Variants in MAPT observed in about 807,000 individuals in gnomAD.
MAPT encodes the protein microtubule associated protein tau, also known as microtubule-associated protein tau.
In MAPT, 34 loss-of-function variants were observed where a neutral mutation model predicts 67.9. That is an observed-to-expected ratio of 0.50 (90% CI 0.38 to 0.67). The LOEUF (loss-of-function observed/expected upper bound fraction) is 0.67. Among genes scored for constraint, MAPT ranks in the 30% least tolerant of loss-of-function variants. The pLI is 0.00. For missense variants in MAPT, 881 were observed against 1,115.2 expected (o/e 0.79, Z 2.99); for synonymous variants, 456 against 464.5 (o/e 0.98, Z 0.23).
intron 9 of MAPT, chr17:45,999,118 T>G: frequency 1.6e-6 from 2 of 1,266,910 alleles, no homozygotes; most frequent in Non-Finnish European, 2.1e-6. Context: ...CTGTGTCCCA[T>G]GGTGGGGAAT....
chr17:45,999,210 T>C (rs2074776507), intron 9 of MAPT: 2 of 1,540,510 alleles, frequency 1.3e-6, no homozygotes, highest in Admixed American at 2.0e-5. Context: ...TGGATTCCCC[T>C]CTCTCTTCTT....
Position 45,992,268 on chromosome 17 carries a change from G to A in MAPT, c.1732+682G>A, listed in dbSNP as rs575238669. Among the ~76,000 whole-genome samples, 1,141 of 152,228 alleles carry A rather than the reference G, an allele frequency of 7.5e-3. 2 individuals are homozygous for A. The highest frequency in any genetic ancestry group is 0.014 in the Middle Eastern group (4 of 294). On this transcript the variant is annotated intron_variant, in intron 8 of 12. Transcript: ENST00000262410. ...ACATGACTACTAAGTGGCAGCTCTC[G>A]GAGCCTCTCTGGCCCCAAGTCCAGG...
At chr17:45,941,864 A>C (rs771331166) in intron 1 of MAPT, among the ~76,000 whole-genome samples, 26 of 151,704 alleles carry the variant, frequency 1.7e-4, no homozygotes, top group Non-Finnish European at 3.1e-4. Flanking sequence ...CTTTTTCTGA[A>C]ATCATGTTCT....
chr17:45,983,791 G>A lies in MAPT; in HGVS notation c.1212G>A (p.Gly404=). ...EEHLGRAAFP[G]APGEGPEARG... ...ATTTGGGAAGGGCTGCATTTCCAGG[G>A]GCCCCTGGAGAGGGGCCAGAGGCCC... The change falls in exon 5 of 13, where the codon GGG becomes GGA. Residue 404 remains glycine, a synonymous_variant. Coordinates refer to ENST00000262410, the MANE Select transcript of MAPT (RefSeq NM_001377265.1). The A allele has an allele frequency of 1.9e-6, 3 of 1,613,774 alleles. No homozygotes were observed. Among genetic ancestry groups the A allele is most frequent in the Non-Finnish European group, 2.5e-6 (3 of 1,179,930 alleles).
intron 9 of MAPT, among the ~76,000 whole-genome samples, chr17:45,999,932 C>T (rs2074855334): frequency 6.6e-6 from 1 of 152,172 alleles, no homozygotes; most frequent in Non-Finnish European, 1.5e-5. Context: ...AGAAAAATGT[C>T]ATACAGGGTC....
At chr17:45,999,082 G>A (rs971510370) in intron 9 of MAPT, among the ~76,000 whole-genome samples, 13 of 152,146 alleles carry the variant, frequency 8.5e-5, no homozygotes, top group Non-Finnish European at 1.6e-4. Flanking sequence ...ACCTCTGGGG[G>A]CCCCTGGGTT....
At chr17:45,911,420 A>G (rs2064780824) in intron 1 of MAPT, among the ~76,000 whole-genome samples, 1 of 152,224 alleles carries the variant, frequency 6.6e-6, no homozygotes, top group South Asian at 2.1e-4. Context: ...TCTTGAGCCC[A>G]GGAGTTTGAA....
chr17:45,952,406 G>A (rs912428092), intron 1 of MAPT, among the ~76,000 whole-genome samples: 2 of 152,092 alleles, frequency 1.3e-5, no homozygotes, highest in South Asian at 2.1e-4. Flanking sequence ...TCACTACCCC[G>A]CCCCAGCCTC....
At chr17:45,964,605 G>A (rs1050460958) in intron 2 of MAPT, among the ~76,000 whole-genome samples, 5 of 151,754 alleles carry the variant, frequency 3.3e-5, no homozygotes, top group African/African-American at 1.2e-4. Context: ...GATCACTTGA[G>A]CCCAGGAGGC....
chr17:45,899,677 C>T (rs974055228), intron 1 of MAPT, among the ~76,000 whole-genome samples: 2 of 152,180 alleles, frequency 1.3e-5, no homozygotes, highest in African/African-American at 4.8e-5. Context: ...AAACCACTGT[C>T]TCACAAATGA....
chr17:46,012,832 C>A (rs2075910227), intron 10 of MAPT, among the ~76,000 whole-genome samples: 1 of 151,688 alleles, frequency 6.6e-6, no homozygotes, highest in African/African-American at 2.4e-5. Context: ...CCAGCACGTC[C>A]TCCCACCTCC....
chr17:45,983,117 G>T lies in MAPT; in HGVS notation c.538G>T (p.Asp180Tyr). The T allele has an allele frequency of 6.4e-7, 1 of 1,566,054 alleles. No homozygotes were observed. Among genetic ancestry groups the T allele is most frequent in the Non-Finnish European group, 8.7e-7 (1 of 1,154,064 alleles). ...CCTGGAGTGGGGACAAAAAGGCGGGGACTGGGCCGAGAAGGGTCCGGCCTT... is the reference window on the plus strand; with the variant it reads ...CCTGGAGTGGGGACAAAAAGGCGGGTACTGGGCCGAGAAGGGTCCGGCCTT... ...PSLEWGQKGG[D>Y]WAEKGPAFPK... is the part of the protein sequence containing the mutation. Residue 180 changes from aspartate to tyrosine, a missense_variant, in exon 5 of 13, where the codon GAC becomes TAC. Transcript: ENST00000262410.
Position 46,010,203 on chromosome 17 carries a change from C to T in MAPT, c.1999-107C>T, listed in dbSNP as rs1326726174. 7.9e-6 allele frequency: 6 copies of T among 763,580 alleles called. No individual in the cohort carries two copies. Among genetic ancestry groups the T allele is most frequent in the East Asian group, 5.3e-5 (2 of 37,460 alleles). 47.3% of individuals were successfully genotyped at this position (763,580 alleles called of 1,614,324 possible). A position where few individuals can be genotyped will look rare whatever the true frequency, so the allele number is the denominator to read the frequency against. On this transcript the variant is annotated intron_variant, in intron 9 of 12. Coordinates refer to ENST00000262410, the MANE Select transcript of MAPT (RefSeq NM_001377265.1). The surrounding 1 kb of genome is among the most constrained non-coding windows in gnomAD (Gnocchi z 4.7). The stretch of plus-strand genomic sequence containing the variant: ...GGAGGCATCCTTGCGAGCAAGTAGG[C>T]GGGTCCAGGGTGGCGCATGTCACTC...
chr17:45,905,314 T>C (rs2064231231), intron 1 of MAPT, among the ~76,000 whole-genome samples: 1 of 152,214 alleles, frequency 6.6e-6, no homozygotes, highest in African/African-American at 2.4e-5. Context: ...CCTTTAGTGG[T>C]GAAGTTCCTC....
In MAPT at chr17:45,920,779, GGCACCCCT is replaced by G. The variant is rs531920824; in HGVS notation, c.-18+26097_-18+26104del. 6.2e-4 allele frequency among the ~76,000 whole-genome samples: 94 copies of G among 152,224 alleles called. 2 individuals carry two copies. The South Asian group carries it at 0.019, about 31-fold the overall frequency. ...ATTTCTGAGGTCCCCGAGAGAGTGG[GGCACCCCT>G]GCAGGATCCAACTGCTGGGCCCAGG... On this transcript the variant is annotated intron_variant, in intron 1 of 12. Transcript: ENST00000262410.
intron 7 of MAPT, 67 bp downstream of exon 7, chr17:45,990,142 A>C: frequency 6.8e-7 from 1 of 1,469,398 alleles, no homozygotes; most frequent in Non-Finnish European, 9.5e-7. Context: ...GGGTTTGTTT[A>C]TTTGTTTTTT....
At chr17:45,919,288 G>A (rs1475611737) in intron 1 of MAPT, among the ~76,000 whole-genome samples, 1 of 151,960 alleles carries the variant, frequency 6.6e-6, no homozygotes, top group African/African-American at 2.4e-5. Context: ...AGTCCTCCTG[G>A]GACCGATTGT....
intron 9 of MAPT, among the ~76,000 whole-genome samples, chr17:46,009,667 G>A (rs1203497372): frequency 2.6e-5 from 4 of 152,196 alleles, no homozygotes; most frequent in Non-Finnish European, 4.4e-5. Context: ...CCCACAAAGC[G>A]GCCTGTGTCC....
At chr17:45,964,125 G>A (rs1264426976) in intron 2 of MAPT, among the ~76,000 whole-genome samples, 3 of 152,156 alleles carry the variant, frequency 2.0e-5, no homozygotes, top group Admixed American at 1.3e-4. Context: ...AGCCAGTGCT[G>A]CCAGATTCAG....
Sources: gnomAD v4.1 joint callset for allele counts (sites outside exome capture counted in the v4.1 genomes callset) on GRCh38, gnomAD v4.1.1 for gene constraint, Gnocchi (gnomAD v3.1) non-coding constraint, MANE v1.5 for transcripts, NCBI Gene and HGNC (gene_info 2026-07-23, HGNC 2026-07-21) for gene names.